CWC25: variants seen among roughly 807,000 people sequenced by gnomAD.
CWC25 encodes CWC25 spliceosome associated protein.
A neutral mutation model predicts 54.6 loss-of-function variants in CWC25; 31 were observed. The ratio of observed to expected loss-of-function variants is 0.57; its 90% CI spans 0.43 to 0.77. The LOEUF (loss-of-function observed/expected upper bound fraction) is 0.77. Among genes scored for constraint, CWC25 ranks in the 30% least tolerant of loss-of-function variants. CWC25 has a pLI of 0.00. For synonymous variants in CWC25, 151 were observed against 187.0 expected, an observed-to-expected ratio of 0.81 and a Z score of 1.57; for missense variants, 453 against 529.3, an observed-to-expected ratio of 0.86 and a Z score of 1.41.
rs749130348 is a variant in CWC25 at position 38,806,827 on chromosome 17, C to T, written c.840G>A (p.Gly280=). The T allele has an allele frequency of 6.2e-7, 1 of 1,613,096 alleles. No homozygotes were observed. The highest frequency in any genetic ancestry group is 2.2e-5 in the East Asian group (1 of 44,852). The stretch of plus-strand genomic sequence containing the variant: ...GGGATCGAGACCTCCTGTCCCGGGA[C>T]CCTGCTTCCCTGGTGCTCTTCTTGC... ...HASKKSTREA[G]SRDRRSRSLG... The change falls in exon 7 of 10, where the codon GGG becomes GGA. Residue 280 remains glycine, a synonymous_variant. Coordinates refer to ENST00000614790, the MANE Select transcript of CWC25 (RefSeq NM_017748.5).
At chr17:38,823,942 C>G (rs1912031935) in intron 1 of CWC25, among the ~76,000 whole-genome samples, 1 of 152,164 alleles carries the variant, frequency 6.6e-6, no homozygotes, top group South Asian at 2.1e-4. Context: ...CCACACACCC[C>G]CAAAGAATTA....
At chr17:38,805,966 C>G (rs1439738288) in intron 8 of CWC25, among the ~76,000 whole-genome samples, 2 of 152,128 alleles carry the variant, frequency 1.3e-5, no homozygotes, top group East Asian at 3.9e-4. Context: ...GCATGTGCCA[C>G]CATGACCAAC....
At chr17:38,810,098 A>G (rs1911422625) in intron 5 of CWC25, among the ~76,000 whole-genome samples, 1 of 152,114 alleles carries the variant, frequency 6.6e-6, no homozygotes. Context: ...ATGGGCCCAC[A>G]TCAGCCATCA....
chr17:38,802,028 A>C lies in CWC25; in HGVS notation c.*64T>G, dbSNP rs1041453769. 1.0e-6 allele frequency: 1 copy of C among 997,374 alleles called. No individual in the cohort carries two copies. Among genetic ancestry groups the C allele is most frequent in the African/African-American group, 1.6e-5 (1 of 62,170 alleles). The allele number at this position is 997,374 out of a possible 1,614,324, so 61.8% of individuals were successfully genotyped here. ...AGAAGTCATTTGAACTCTTATAAAGAGAATTAAGGGGTCAGCAGCTTCCCT... is the reference window on the plus strand; with the variant it reads ...AGAAGTCATTTGAACTCTTATAAAGCGAATTAAGGGGTCAGCAGCTTCCCT... On this transcript the variant is annotated 3_prime_UTR_variant, in exon 10 of 10. Coordinates refer to ENST00000614790, the MANE Select transcript of CWC25 (RefSeq NM_017748.5).
rs750932771 is a variant in CWC25 at position 38,814,997 on chromosome 17, C to CA, written c.291dup (p.Glu98Ter). 1.9e-6 allele frequency: 3 copies of CA among 1,613,902 alleles called. No homozygotes were observed. The highest frequency in any genetic ancestry group is 2.5e-6 in the Non-Finnish European group (3 of 1,179,878). ...CCTGCCTCCTTCTCCTCCATCTTCTCAAAAACATATTTGTCAATGGGGCGC... is the reference window on the plus strand; with the variant it reads ...CCTGCCTCCTTCTCCTCCATCTTCTCAAAAAACATATTTGTCAATGGGGCGC... On this transcript the variant is annotated frameshift_variant, in exon 3 of 10. Coordinates refer to ENST00000614790, the MANE Select transcript of CWC25 (RefSeq NM_017748.5). LOFTEE classifies it high-confidence loss of function.
chr17:38,801,646 T>G lies in CWC25; in HGVS notation c.*446A>C, dbSNP rs903173334. 1 of 153,742 alleles carries G rather than the reference T, an allele frequency of 6.5e-6. No homozygotes were observed. The highest frequency in any genetic ancestry group is 2.4e-5 in the African/African-American group (1 of 41,526). 9.5% of individuals were successfully genotyped at this position (153,742 alleles called of 1,614,324 possible). A position where few individuals can be genotyped will look rare whatever the true frequency, so the allele number is the denominator to read the frequency against. On this transcript the variant is annotated 3_prime_UTR_variant, in exon 10 of 10. Transcript: ENST00000614790. ...GCTTTGACCTAACCTGACATCATTCTGTCACATTATCTTCTAAATCAAGTA... is the reference window on the plus strand; with the variant it reads ...GCTTTGACCTAACCTGACATCATTCGGTCACATTATCTTCTAAATCAAGTA...
intron 3 of CWC25, among the ~76,000 whole-genome samples, chr17:38,814,247 C>G (rs1312942831): frequency 6.6e-6 from 1 of 151,724 alleles, no homozygotes; most frequent in Admixed American, 6.6e-5. Flanking sequence ...TTGCACAACA[C>G]TTTGACTGTA....
chr17:38,802,165 T>A lies in CWC25; in HGVS notation c.1205A>T (p.Asp402Val). 7 of 1,613,938 alleles carry A rather than the reference T, an allele frequency of 4.3e-6. No individual in the cohort carries two copies. The highest frequency in any genetic ancestry group is 5.9e-6 in the Non-Finnish European group (7 of 1,179,844). ...AGAGTAGATATTCCGCTTCACCCGA[T>A]CCTCCAGGGAGGAAGTAGATGCACT... ...LESASTSSLE[D>V]RVKRNIYSLQ... is the part of the protein sequence containing the mutation. The change falls in exon 10 of 10, where the codon GAT (aspartate) becomes GTT (valine). Residue 402 changes from aspartate to valine, a missense_variant. This residue lies in a region of CWC25 where 444 missense variants were observed against 499.2 expected (regional missense o/e 0.89). Coordinates refer to ENST00000614790, the MANE Select transcript of CWC25 (RefSeq NM_017748.5).
chr17:38,819,684 T>C (rs1419108191), intron 2 of CWC25, among the ~76,000 whole-genome samples: 1 of 149,850 alleles, frequency 6.7e-6, no homozygotes, highest in Non-Finnish European at 1.5e-5. Flanking sequence ...ATTTTTTTTT[T>C]GTTTGTTCGT....
chr17:38,812,707 C>T, intron 4 of CWC25, 88 bp downstream of exon 4: 1 of 735,998 alleles, frequency 1.4e-6, no homozygotes, highest in Non-Finnish European at 2.3e-6. Context: ...TTCTGTTTTT[C>T]CCCTGGTAAG....
intron 2 of CWC25, 69 bp from the exon 3 acceptor site, chr17:38,815,166 A>C: frequency 1.5e-6 from 2 of 1,356,582 alleles, no homozygotes; most frequent in Non-Finnish European, 2.1e-6. Flanking sequence ...TACACCTAAA[A>C]CCTGGACACA....
intron 1 of CWC25, among the ~76,000 whole-genome samples, chr17:38,822,990 A>G (rs1911987622): frequency 6.7e-6 from 1 of 150,314 alleles, no homozygotes; most frequent in South Asian, 2.1e-4. Flanking sequence ...GACATCCGCC[A>G]CCATGCCCAG....
Position 38,823,926 on chromosome 17 carries a change from C to T in CWC25, c.18+1240G>A, listed in dbSNP as rs563470692. Among the ~76,000 whole-genome samples the T allele has an allele frequency of 2.6e-4, 40 of 152,328 alleles. 1 individual carries two copies. The highest frequency in any genetic ancestry group is 1.7e-3 in the Admixed American group (26 of 15,280). On this transcript the variant is annotated intron_variant, in intron 1 of 9. Coordinates refer to ENST00000614790, the MANE Select transcript of CWC25 (RefSeq NM_017748.5). ...AATGCACAGGACAGCCCAACTACCA[C>T]CACTACCACACACCCCCAAAGAATT...
rs770840385 is a variant in CWC25, at chr17:38,806,383, C to T, written c.915G>A (p.Lys305=). 75 of 1,613,312 alleles carry T rather than the reference C, an allele frequency of 4.6e-5. No individual in the cohort carries two copies. Among genetic ancestry groups the T allele is most frequent in the South Asian group, 1.2e-4 (11 of 90,914 alleles). ...TTTGGCCTGTCTCTCTCCTGTTCAC[C>T]TTAGAGTTGTGCCTGTAGCAGACAC... is the stretch of plus-strand genomic sequence containing the variant. ...SPRPSKLHNS[K]VNRRETGQTR... is the part of the protein sequence containing the mutation. The change falls in exon 8 of 10, where the codon AAG becomes AAA. Residue 305 remains lysine (K), a synonymous_variant. Coordinates refer to ENST00000614790, the MANE Select transcript of CWC25 (RefSeq NM_017748.5).
intron 8 of CWC25, 126 bp from the exon 9 acceptor site, chr17:38,802,987 C>G: frequency 9.4e-7 from 1 of 1,060,774 alleles, no homozygotes; most frequent in Non-Finnish European, 1.4e-6. Flanking sequence ...AGTGCAAGGC[C>G]AGCCTGAGTT....
Position 38,812,880 on chromosome 17 carries a change from T to A in CWC25, c.429-16A>T, listed in dbSNP as rs1274735666. On this transcript the variant is annotated splice_polypyrimidine_tract_variant and intron_variant, in intron 3 of 9. Coordinates refer to ENST00000614790, the MANE Select transcript of CWC25 (RefSeq NM_017748.5). ...CTCCTTCTTCCTAAAGAGAGATAAT[T>A]ACAAAATTCATGACTATTTCTTTTC... 8.6e-6 allele frequency: 12 copies of A among 1,387,664 alleles called. No individual in the cohort carries two copies. The Admixed American group carries it at 2.4e-4, about 27-fold the overall frequency. The allele number at this position is 1,387,664 out of a possible 1,614,324, so 86.0% of individuals were successfully genotyped here.
At chr17:38,820,841 G>A in intron 2 of CWC25, 60 bp downstream of exon 2, 1 of 1,533,896 alleles carries the variant, frequency 6.5e-7, no homozygotes, top group South Asian at 1.2e-5. Flanking sequence ...ACTGGATGAT[G>A]CATCTCAGGA....
At chr17:38,822,756 G>A (rs1039963142) in intron 1 of CWC25, among the ~76,000 whole-genome samples, 3 of 152,072 alleles carry the variant, frequency 2.0e-5, no homozygotes, top group Non-Finnish European at 4.4e-5. Flanking sequence ...TGATGGTGCA[G>A]GGACGCAAGA....
rs1473495616 is a variant in CWC25 at position 38,800,825 on chromosome 17, C to T, written c.*1267G>A. ...TTGAGACGGAATCTCGCTCTGTCAC[C>T]CAGGCTGGAGTGCGGTGGCACAATC... On this transcript the variant is annotated 3_prime_UTR_variant, in exon 10 of 10. Transcript: ENST00000614790. 1 of 152,090 alleles carries T rather than the reference C, an allele frequency of 6.6e-6. No individual in the cohort carries two copies. 9.4% of individuals were successfully genotyped at this position (152,090 alleles called of 1,614,324 possible). A position where few individuals can be genotyped will look rare whatever the true frequency, so the allele number is the denominator to read the frequency against.
Sources: gnomAD v4.1 joint callset for allele counts (sites outside exome capture counted in the v4.1 genomes callset) on GRCh38, gnomAD v4.1.1 for gene constraint, gnomAD v4.1.1 regional missense constraint, MANE v1.5 for transcripts, NCBI Gene and HGNC (gene_info 2026-07-23, HGNC 2026-07-21) for gene names.